KNDC1: variants seen among roughly 807,000 people sequenced by gnomAD.
The protein encoded by KNDC1 is kinase non-catalytic C-lobe domain containing 1.
Under a neutral mutation model 172.8 loss-of-function variants are expected in KNDC1, and 106 were observed. The ratio of observed to expected loss-of-function variants is 0.61; its 90% confidence interval spans 0.52 to 0.72. The LOEUF (loss-of-function observed/expected upper bound fraction) is 0.72. Among genes scored for constraint, KNDC1 ranks in the 30% least tolerant of loss-of-function variants. The pLI is 0.00. For synonymous variants in KNDC1, 1,083 were observed against 1,062.2 expected, an observed-to-expected ratio of 1.02 and a Z score of -0.38; for missense variants, 2,325 against 2,394.5, an observed-to-expected ratio of 0.97 and a Z score of 0.61.
At chr10:133,202,167 C>CG in intron 17 of KNDC1, 1 of 688,120 alleles carries the variant, frequency 1.5e-6, no homozygotes, top group Non-Finnish European at 2.7e-6. Flanking sequence ...CATGGTCGCC[C>CG]GGGCGATGGG....
intron 15 of KNDC1, among the ~76,000 whole-genome samples, 196 bp downstream of exon 15, chr10:133,199,798 A>G (rs1338223928): frequency 1.3e-5 from 2 of 152,182 alleles, no homozygotes; most frequent in Non-Finnish European, 2.9e-5. Flanking sequence ...GCCTACTCAC[A>G]GCTTTCCCAT....
At chr10:133,198,218 C>T (rs1175417853) in intron 12 of KNDC1, 119 bp from the exon 13 acceptor site, 14 of 1,205,736 alleles carry the variant, frequency 1.2e-5, no homozygotes, top group South Asian at 6.0e-5. Context: ...CAGGGCCATG[C>T]GGGAGGGGAC....
intron 26 of KNDC1, among the ~76,000 whole-genome samples, chr10:133,214,738 C>G (rs1251325414): frequency 6.6e-6 from 1 of 152,254 alleles, no homozygotes; most frequent in African/African-American, 2.4e-5. Flanking sequence ...AGGTCAAGCT[C>G]CAGCGCCGGG....
rs1845294418 is a variant in KNDC1, at chr10:133,209,183, A to G, written c.3795-1428A>G. Among the ~76,000 whole-genome samples the G allele has an allele frequency of 6.8e-6, 1 of 147,816 alleles. No individual in the cohort carries two copies. The highest frequency in any genetic ancestry group is 1.5e-5 in the Non-Finnish European group (1 of 67,132). On this transcript the variant is annotated intron_variant, in intron 20 of 29. Transcript: ENST00000304613. This position sits in a 1 kb window ranked among gnomAD's most constrained non-coding sequence, Gnocchi z 4.9. The stretch of plus-strand genomic sequence containing the variant: ...TGGCAGGTGTGCATGTGTGTATGGC[A>G]TGGGGTGTAGTGTGGCGTGTACACG...
chr10:133,183,342 A>G lies in KNDC1; in HGVS notation c.361-2A>G, dbSNP rs1309632693. ...GGAGCTGACAGCCTGTCGTGCCCAC[A>G]GGCGCACATCTACTCTCTGGGGGCC... On this transcript the variant is annotated splice_acceptor_variant, in intron 3 of 29. Coordinates refer to ENST00000304613, the MANE Select transcript of KNDC1 (RefSeq NM_152643.8). LOFTEE classifies it high-confidence loss of function. The G allele has an allele frequency of 1.3e-6, 2 of 1,588,984 alleles. No individual in the cohort carries two copies. Among genetic ancestry groups the G allele is most frequent in the Non-Finnish European group, 1.7e-6 (2 of 1,168,028 alleles).
At chr10:133,218,418 CA>C (rs1845512318) in intron 26 of KNDC1, among the ~76,000 whole-genome samples, 1 of 152,198 alleles carries the variant, frequency 6.6e-6, no homozygotes, top group South Asian at 2.1e-4. Context: ...GGGCTTGGCG[CA>C]GCGGGTTGGG....
Position 133,207,167 on chromosome 10 carries a change from C to T in KNDC1, c.3610C>T (p.Pro1204Ser), listed in dbSNP as rs1023392912. The T allele has an allele frequency of 1.2e-6, 2 of 1,604,374 alleles. No individual in the cohort carries two copies. Among genetic ancestry groups the T allele is most frequent in the Non-Finnish European group, 1.7e-6 (2 of 1,176,724 alleles). ...GTACGCGGAACGCTGGGGCCTGGAG[C>T]CCTGCACCCTCCCAGTGATCGTGAA... is the stretch of plus-strand genomic sequence containing the variant. ...VMYAERWGLEPCTLPVIVNIA... is the reference protein window; with the variant it reads ...VMYAERWGLESCTLPVIVNIA... The change falls in exon 20 of 30, where the codon CCC becomes TCC. Residue 1204 changes from proline to serine, a missense_variant. Transcript: ENST00000304613.
intron 9 of KNDC1, among the ~76,000 whole-genome samples, chr10:133,193,483 C>T (rs1187614657): frequency 1.3e-5 from 2 of 152,132 alleles, no homozygotes; most frequent in African/African-American, 4.8e-5. Flanking sequence ...CCAGATACAG[C>T]CATTGCACTC....
Position 133,224,787 on chromosome 10 carries a change from C to A in KNDC1, c.5147C>A (p.Thr1716Lys). ...IARFSGADIS[T>K]LAADSRANFH... is the part of the protein sequence containing the mutation. ...CGCTTCAGCGGTGCCGACATTTCCA[C>A]ACTCGCCGCAGATAGCAGGGCCAAC... Residue 1716 changes from threonine (T) to lysine (K), a missense_variant, in exon 30 of 30, where the codon ACA becomes AAA. Physicochemically the swap from Thr to Lys is moderately conservative, Grantham distance 78. Transcript: ENST00000304613. This position sits in a 1 kb window ranked among gnomAD's most constrained non-coding sequence, Gnocchi z 5.4. The A allele has an allele frequency of 6.2e-7, 1 of 1,614,142 alleles. No homozygotes were observed. Among genetic ancestry groups the A allele is most frequent in the Non-Finnish European group, 8.5e-7 (1 of 1,180,032 alleles).
Position 133,213,874 on chromosome 10 carries a change from G to A in KNDC1, c.4527-98G>A, listed in dbSNP as rs147045564. On this transcript the variant is annotated intron_variant, in intron 25 of 29. Transcript: ENST00000304613. ...GGTGTCTGCCAGTTGGAGCGGCCTC[G>A]TGGCCCGACCCCAGCCCACCCTGCA... The A allele has an allele frequency of 9.1e-4, 1,390 of 1,527,102 alleles. 11 individuals are homozygous for A. Among genetic ancestry groups the A allele is most frequent in the South Asian group, 5.3e-3 (464 of 88,128 alleles). The allele number at this position is 1,527,102 out of a possible 1,614,324, so 94.6% of individuals were successfully genotyped here.
At position 133,199,065 on chromosome 10, in the gene KNDC1, G is replaced by A. The variant is rs746396994; in HGVS notation, c.2557G>A (p.Gly853Arg). 3.1e-5 allele frequency: 49 copies of A among 1,602,020 alleles called. No homozygotes were observed. In the East Asian group the frequency reaches 6.1e-4, roughly 20 times the overall value. The change falls in exon 14 of 30, where the codon GGG (glycine) becomes AGG (arginine). Residue 853 changes from glycine to arginine, a missense_variant. Transcript: ENST00000304613. ...EPEGPGATPA[G>R]ERDDQSPDSV... is the part of the protein sequence containing the mutation. ...AGAGGGCCCCGGGGCCACCCCTGCCGGGGAACGTGATGACCAGAGTCCAGA... is the reference window on the plus strand; with the variant it reads ...AGAGGGCCCCGGGGCCACCCCTGCCAGGGAACGTGATGACCAGAGTCCAGA...
Position 133,189,657 on chromosome 10 carries a change from C to T in KNDC1, c.1501C>T (p.Pro501Ser), listed in dbSNP as rs148372199. The change falls in exon 8 of 30, where the codon CCC becomes TCC. Residue 501 changes from proline to serine, a missense_variant. By Grantham distance (74) the Pro-to-Ser change is moderately conservative (BLOSUM62 -1). Coordinates refer to ENST00000304613, the MANE Select transcript of KNDC1 (RefSeq NM_152643.8). ...AEDGAVLFQP[P>S]PANGSYDSFF... ...GGACGGGGCTGTGCTCTTCCAGCCA[C>T]CCCCTGCCAACGGTGAGTGTGTGGG... The T allele has an allele frequency of 2.4e-4, 392 of 1,613,856 alleles. 1 individual carries two copies. The African/African-American group carries it at 4.9e-3, about 20-fold the overall frequency.
rs1475097869 is a variant in KNDC1, at chr10:133,202,430, G to C, written c.3387+532G>C. Reference sequence around the variant, plus strand: ...AGCAGGGAGAGGAGGTCTTAGACCGGGGAGTCCTGGGTGCAGGAGAGGCCT... The same window carrying C: ...AGCAGGGAGAGGAGGTCTTAGACCGCGGAGTCCTGGGTGCAGGAGAGGCCT... On this transcript the variant is annotated intron_variant, in intron 17 of 29. Transcript: ENST00000304613. The C allele has an allele frequency of 1.5e-5, 6 of 408,576 alleles. No homozygotes were observed. The Admixed American group carries it at 1.7e-4, about 11-fold the overall frequency. The allele number at this position is 408,576 out of a possible 1,614,324, so 25.3% of individuals were successfully genotyped here.
intron 16 of KNDC1, among the ~76,000 whole-genome samples, 156 bp from the exon 17 acceptor site, chr10:133,201,345 G>GGA (rs1023889707): frequency 3.9e-5 from 6 of 152,200 alleles, no homozygotes; most frequent in Non-Finnish European, 7.4e-5. Flanking sequence ...CCCTGCACTG[G>GGA]GAGGCGGCAG....
intron 3 of KNDC1, among the ~76,000 whole-genome samples, chr10:133,182,886 A>T (rs2135971027): frequency 7.1e-6 from 1 of 141,250 alleles, no homozygotes; most frequent in East Asian, 2.1e-4. Flanking sequence ...GCAGGCGGCA[A>T]GGGCATGGGT....
chr10:133,200,530 G>T (rs1442677767), intron 16 of KNDC1, 70 bp downstream of exon 16: 3 of 1,174,728 alleles, frequency 2.6e-6, no homozygotes, highest in Non-Finnish European at 3.4e-6. Flanking sequence ...GCAATGCGGG[G>T]GGCGCCCCAG....
intron 22 of KNDC1, 34 bp from the exon 23 acceptor site, chr10:133,211,645 G>A (rs1336961296): frequency 1.3e-6 from 2 of 1,590,692 alleles, no homozygotes. Context: ...CCAGAAGGTG[G>A]CAGTGACCCC....
In KNDC1 at chr10:133,221,340, G is replaced by A. The variant is rs969670608; in HGVS notation, c.5018+1228G>A. On this transcript the variant is annotated intron_variant, in intron 29 of 29. Coordinates refer to ENST00000304613, the MANE Select transcript of KNDC1 (RefSeq NM_152643.8). ...TGGGAGGCGCAGACTGGGGCTGGCT[G>A]TAAAACCTACCACCACGACCCACAG... Among the ~76,000 whole-genome samples the A allele has an allele frequency of 3.3e-5, 5 of 152,120 alleles. 1 individual carries two copies. In the South Asian group the frequency reaches 1.0e-3, roughly 32 times the overall value.
At chr10:133,179,327 A>G (rs1461030024) in intron 3 of KNDC1, 2 of 152,186 alleles carry the variant, frequency 1.3e-5, no homozygotes, top group African/African-American at 4.8e-5. Flanking sequence ...GCGTGTTCAC[A>G]GTGTCCTCCT....
Sources: gnomAD v4.1 joint callset for allele counts (sites outside exome capture counted in the v4.1 genomes callset) on GRCh38, gnomAD v4.1.1 for gene constraint, Gnocchi (gnomAD v3.1) non-coding constraint, MANE v1.5 for transcripts, NCBI Gene and HGNC (gene_info 2026-07-23, HGNC 2026-07-21) for gene names.